The following LAMC1 variants were observed in gnomAD, a reference collection of about 807,000 sequenced individuals.
LAMC1 encodes laminin subunit gamma-1.
LAMC1 carries 38 observed loss-of-function variants against 173.6 expected under a neutral mutation model. The observed-to-expected ratio is 0.22, with a 90% CI of 0.17 to 0.29. The LOEUF is 0.29. Among genes scored for constraint, LAMC1 ranks in the 10% least tolerant of loss-of-function variants. The probability of loss-of-function intolerance (pLI) is 1.00; values close to 1 mark genes in which losing one functional copy is unlikely to be tolerated. For missense variants in LAMC1, 1,824 were observed against 2,051.8 expected, an observed-to-expected ratio of 0.89 and a Z score of 2.14; for synonymous variants, 746 against 749.1, an observed-to-expected ratio of 1.00 and a Z score of 0.07.
At chr1:183,064,657 A>C (rs1654822456) in intron 1 of LAMC1, among the ~76,000 whole-genome samples, 1 of 152,160 alleles carries the variant, frequency 6.6e-6, no homozygotes. Flanking sequence ...TGTAAGGGGC[A>C]CCTCCTGTTA....
rs1436921138 is a variant in LAMC1 at position 183,133,623 on chromosome 1, C to T, written c.3849+73C>T. On this transcript the variant is annotated intron_variant, in intron 22 of 27. Coordinates refer to ENST00000258341, the MANE Select transcript of LAMC1 (RefSeq NM_002293.4). ...GTCTATGTGAGAGCCGACTGCTCTG[C>T]ACCTCCCTCTGTCCTCCCACTGACT... 25 of 1,372,722 alleles carry T rather than the reference C, an allele frequency of 1.8e-5. No homozygotes were observed. In the East Asian group the frequency reaches 4.4e-4, roughly 24 times the overall value. 85.0% of individuals were successfully genotyped at this position (1,372,722 alleles called of 1,614,324 possible). A position where few individuals can be genotyped will look rare whatever the true frequency, so the allele number is the denominator to read the frequency against.
At chr1:183,130,636 C>A in intron 19 of LAMC1, 87 bp downstream of exon 19, 1 of 994,804 alleles carries the variant, frequency 1.0e-6, no homozygotes, top group Non-Finnish European at 1.6e-6. Flanking sequence ...AGTGCTTCTT[C>A]AACTAAATTG....
At chr1:183,080,253 A>T (rs966642644) in intron 1 of LAMC1, among the ~76,000 whole-genome samples, 13 of 152,114 alleles carry the variant, frequency 8.5e-5, no homozygotes, top group Non-Finnish European at 1.5e-4. Flanking sequence ...AGAAAAAAAA[A>T]TTTTTTTTGC....
intron 18 of LAMC1, among the ~76,000 whole-genome samples, chr1:183,129,082 C>CTTTTTT (rs201079710): frequency 3.6e-5 from 4 of 110,022 alleles, no homozygotes; most frequent in African/African-American, 7.1e-5. Flanking sequence ...TCTTCATAAG[C>CTTTTTT]TTTTTTTTTT....
At chr1:183,084,784 A>G (rs1283199952) in intron 1 of LAMC1, among the ~76,000 whole-genome samples, 1 of 152,180 alleles carries the variant, frequency 6.6e-6, no homozygotes, top group Non-Finnish European at 1.5e-5. Flanking sequence ...ATTAAGAGAG[A>G]CAATGCTAGG....
intron 1 of LAMC1, among the ~76,000 whole-genome samples, chr1:183,102,126 G>A (rs954505845): frequency 2.6e-5 from 4 of 152,160 alleles, no homozygotes; most frequent in Admixed American, 6.5e-5. Context: ...CAGCCAGAGA[G>A]AGACAAAGCG....
chr1:183,064,521 T>A (rs748440924), intron 1 of LAMC1, among the ~76,000 whole-genome samples: 1 of 152,188 alleles, frequency 6.6e-6, no homozygotes, highest in Non-Finnish European at 1.5e-5. Context: ...GAGTTATATG[T>A]ATATTTTTAA....
intron 1 of LAMC1, among the ~76,000 whole-genome samples, chr1:183,088,237 A>C (rs999045541): frequency 2.6e-5 from 4 of 152,232 alleles, no homozygotes; most frequent in Non-Finnish European, 4.4e-5. Flanking sequence ...TATCCAGAAA[A>C]TATCGTCTTG....
intron 1 of LAMC1, among the ~76,000 whole-genome samples, chr1:183,088,092 C>A (rs1420559151): frequency 6.6e-6 from 1 of 152,126 alleles, no homozygotes; most frequent in African/African-American, 2.4e-5. Flanking sequence ...CATGAGCCAC[C>A]ACACCCAACC....
chr1:183,069,471 G>A (rs951505745), intron 1 of LAMC1, among the ~76,000 whole-genome samples: 7 of 152,198 alleles, frequency 4.6e-5, no homozygotes, highest in South Asian at 2.1e-4. Context: ...TATCCTCAAG[G>A]AGATTACAGT....
Position 183,124,666 on chromosome 1 carries a change from G to A in LAMC1, c.2437G>A (p.Gly813Arg), listed in dbSNP as rs779621275. Reference protein sequence around the residue: ...RCELCDDGYFGDPLGRNGPVR... With the variant: ...RCELCDDGYFRDPLGRNGPVR... ...TGAGCTCTGTGATGATGGCTACTTT[G>A]GAGACCCCCTGGGTAGAAACGGCCC... The change falls in exon 14 of 28, where the codon GGA (glycine) becomes AGA (arginine). Residue 813 changes from glycine to arginine, a missense_variant. Transcript: ENST00000258341. 2 of 1,614,174 alleles carry A rather than the reference G, an allele frequency of 1.2e-6. No individual in the cohort carries two copies. Among genetic ancestry groups the A allele is most frequent in the Non-Finnish European group, 1.7e-6 (2 of 1,180,022 alleles).
chr1:183,050,599 T>C (rs1654397828), intron 1 of LAMC1, among the ~76,000 whole-genome samples: 1 of 136,798 alleles, frequency 7.3e-6, no homozygotes, highest in Non-Finnish European at 1.6e-5. Context: ...TTCTTAAAGA[T>C]AGAATCACTG....
chr1:183,041,272 A>G (rs900713281), intron 1 of LAMC1, among the ~76,000 whole-genome samples: 2 of 152,218 alleles, frequency 1.3e-5, no homozygotes, highest in African/African-American at 2.4e-5. Flanking sequence ...AATTTCAGTC[A>G]TGGTAAACTG....
chr1:183,049,048 A>G (rs1044988747), intron 1 of LAMC1, among the ~76,000 whole-genome samples: 9 of 152,212 alleles, frequency 5.9e-5, no homozygotes, highest in Admixed American at 5.2e-4. Context: ...TTTGCATCTA[A>G]TGTGTACTCC....
chr1:183,129,249 G>A (rs78950541), intron 18 of LAMC1, among the ~76,000 whole-genome samples: 78,222 of 146,354 alleles, frequency 0.53, 20,849 homozygotes, highest in South Asian at 0.65. Context: ...ACCATGCCCG[G>A]GGTAATTTTT....
chr1:183,097,512 T>C (rs571209803), intron 1 of LAMC1, among the ~76,000 whole-genome samples: 2 of 152,338 alleles, frequency 1.3e-5, no homozygotes, highest in East Asian at 3.9e-4. Flanking sequence ...TACTAAACTC[T>C]AAAGGAGGTT....
rs775667709 is a variant in LAMC1 at position 183,131,279 on chromosome 1, G to A, written c.3487-20G>A. On this transcript the variant is annotated intron_variant, in intron 19 of 27. Coordinates refer to ENST00000258341, the MANE Select transcript of LAMC1 (RefSeq NM_002293.4). ...AAATAATTCAGTCCTTTGAGAATAA[G>A]TGCTTTATTTCCTGTGCAGTCAGTC... 2.5e-6 allele frequency: 4 copies of A among 1,583,362 alleles called. No individual in the cohort carries two copies. The African/African-American group carries it at 4.0e-5, about 16-fold the overall frequency.
intron 19 of LAMC1, 87 bp downstream of exon 19, chr1:183,130,636 C>T: frequency 1.0e-6 from 1 of 994,804 alleles, no homozygotes; most frequent in South Asian, 1.4e-5. Flanking sequence ...AGTGCTTCTT[C>T]AACTAAATTG....
chr1:183,025,770 TGATGTCTGAAATCTCA>T (rs1653670843), intron 1 of LAMC1, among the ~76,000 whole-genome samples: 1 of 152,278 alleles, frequency 6.6e-6, no homozygotes, highest in Non-Finnish European at 1.5e-5. Flanking sequence ...AGGCGTTGCC[TGATGTCTGAAATCTCA>T]GATGCCTGAA....
Sources: gnomAD v4.1 joint callset for allele counts (sites outside exome capture counted in the v4.1 genomes callset) on GRCh38, gnomAD v4.1.1 for gene constraint, MANE v1.5 for transcripts, NCBI Gene and HGNC (gene_info 2026-07-23, HGNC 2026-07-21) for gene names.